PLPPR1: variants seen among roughly 807,000 people sequenced by gnomAD.
PLPPR1 encodes the protein phospholipid phosphatase-related protein type 1.
In PLPPR1, 10 loss-of-function variants were observed where a neutral mutation model predicts 33.1. That is an observed-to-expected ratio of 0.30 (90% CI 0.19 to 0.51). The LOEUF is 0.51. PLPPR1 is among the 20% of genes least tolerant of loss of function. The probability of loss-of-function intolerance (pLI) is 0.97; values close to 1 mark genes in which losing one functional copy is unlikely to be tolerated. For synonymous variants in PLPPR1, 151 were observed against 151.0 expected (o/e 1.00, Z 0.00); for missense variants, 304 against 408.1 (o/e 0.74, Z 2.20).
At chr9:101,169,280 A>T (rs1467601131) in intron 1 of PLPPR1, among the ~76,000 whole-genome samples, 1 of 152,188 alleles carries the variant, frequency 6.6e-6, no homozygotes. Context: ...CTTTGATTTT[A>T]TTGAAGGAAA....
chr9:101,133,359 C>G (rs993520819), intron 1 of PLPPR1, among the ~76,000 whole-genome samples: 9 of 152,264 alleles, frequency 5.9e-5, no homozygotes, highest in African/African-American at 2.2e-4. Flanking sequence ...ATCATTAAAG[C>G]ACTATAACTT....
intron 1 of PLPPR1, among the ~76,000 whole-genome samples, chr9:101,180,551 T>C (rs141045661): frequency 4.0e-4 from 61 of 151,834 alleles, no homozygotes; most frequent in Middle Eastern, 3.4e-3. Flanking sequence ...TTTTGACCAA[T>C]AGAACAGTAT....
chr9:101,235,084 G>A (rs578187690), intron 2 of PLPPR1, among the ~76,000 whole-genome samples: 2 of 151,914 alleles, frequency 1.3e-5, no homozygotes, highest in South Asian at 2.1e-4. Context: ...GGAAAGAATT[G>A]CATTTATTTT....
chr9:101,064,114 C>T (rs534472116), intron 1 of PLPPR1, among the ~76,000 whole-genome samples: 1 of 152,174 alleles, frequency 6.6e-6, no homozygotes, highest in South Asian at 2.1e-4. Context: ...TGACAAAACA[C>T]AGTCAGTGCA....
intron 2 of PLPPR1, among the ~76,000 whole-genome samples, chr9:101,246,105 T>TAG (rs1827605798): frequency 3.6e-5 from 4 of 109,844 alleles, no homozygotes; most frequent in Admixed American, 9.3e-5. Context: ...TATATATATA[T>TAG]ATATAGATAG....
At chr9:101,208,550 G>T (rs1826630156) in intron 2 of PLPPR1, among the ~76,000 whole-genome samples, 1 of 152,146 alleles carries the variant, frequency 6.6e-6, no homozygotes, top group South Asian at 2.1e-4. Context: ...TGGCTAAGTA[G>T]CTCTCTACTG....
At chr9:101,096,563 T>A (rs1418962411) in intron 1 of PLPPR1, among the ~76,000 whole-genome samples, 2 of 152,138 alleles carry the variant, frequency 1.3e-5, no homozygotes, top group Non-Finnish European at 2.9e-5. Context: ...CACATGAATA[T>A]CAAAGATCAA....
At chr9:101,070,519 A>G (rs921718954) in intron 1 of PLPPR1, among the ~76,000 whole-genome samples, 1 of 152,120 alleles carries the variant, frequency 6.6e-6, no homozygotes, top group African/African-American at 2.4e-5. Flanking sequence ...ACAGATTATT[A>G]GATCAACCTT....
At chr9:101,125,991 CT>C in intron 1 of PLPPR1, 1 of 246,296 alleles carries the variant, frequency 4.1e-6, no homozygotes. Context: ...TTCAAGATGG[CT>C]TTACTTGTCC....
intron 1 of PLPPR1, among the ~76,000 whole-genome samples, chr9:101,047,614 CTCTT>C (rs1830169323): frequency 6.6e-6 from 1 of 152,132 alleles, no homozygotes; most frequent in South Asian, 2.1e-4. Context: ...CAATTTCTCT[CTCTT>C]TTCATTTTTT....
chr9:101,306,489 A>T (rs1023885581), intron 4 of PLPPR1, among the ~76,000 whole-genome samples: 1 of 152,190 alleles, frequency 6.6e-6, no homozygotes, highest in African/African-American at 2.4e-5. Context: ...TGATCTTCCA[A>T]ACCAAGCATA....
intron 1 of PLPPR1, among the ~76,000 whole-genome samples, chr9:101,129,439 T>C (rs1831288998): frequency 6.6e-6 from 1 of 152,184 alleles, no homozygotes; most frequent in Non-Finnish European, 1.5e-5. Context: ...GTTGTATTTG[T>C]AACAGCCCAG....
At chr9:101,315,235 T>TC (rs1829030222) in intron 6 of PLPPR1, among the ~76,000 whole-genome samples, 2 of 152,218 alleles carry the variant, frequency 1.3e-5, no homozygotes, top group Non-Finnish European at 2.9e-5. Flanking sequence ...AACCAACTCC[T>TC]CTTCCCCCTA....
intron 2 of PLPPR1, among the ~76,000 whole-genome samples, chr9:101,256,955 T>G (rs952421335): frequency 1.3e-5 from 2 of 152,116 alleles, no homozygotes; most frequent in Non-Finnish European, 2.9e-5. Context: ...TCTCCCTCCC[T>G]TCTTCTTTCC....
intron 1 of PLPPR1, among the ~76,000 whole-genome samples, chr9:101,184,575 G>A (rs1250793572): frequency 2.0e-5 from 3 of 151,912 alleles, no homozygotes. Context: ...TCTGAAATGT[G>A]TAGTATTGCT....
intron 4 of PLPPR1, among the ~76,000 whole-genome samples, chr9:101,290,523 T>C (rs747506788): frequency 9.2e-5 from 14 of 152,236 alleles, no homozygotes; most frequent in African/African-American, 1.9e-4. Flanking sequence ...CCTTTCTGCA[T>C]TGCAATTTGA....
intron 1 of PLPPR1, among the ~76,000 whole-genome samples, chr9:101,034,831 G>A (rs1295796257): frequency 6.6e-6 from 1 of 151,958 alleles, no homozygotes; most frequent in Non-Finnish European, 1.5e-5. Context: ...GGGGGGGTTG[G>A]TTATAAATAG....
At chr9:101,194,094 G>A (rs1390565777) in intron 2 of PLPPR1, among the ~76,000 whole-genome samples, 1 of 152,142 alleles carries the variant, frequency 6.6e-6, no homozygotes, top group Non-Finnish European at 1.5e-5. Flanking sequence ...TTTGTTTGAT[G>A]GAGGTTTAGC....
chr9:101,228,666 G>A (rs1430563381), intron 2 of PLPPR1, among the ~76,000 whole-genome samples: 1 of 152,114 alleles, frequency 6.6e-6, no homozygotes, highest in Non-Finnish European at 1.5e-5. Context: ...AACTATTGGG[G>A]ATGTGACGTA....
Sources: gnomAD v4.1 joint callset for allele counts (sites outside exome capture counted in the v4.1 genomes callset) on GRCh38, gnomAD v4.1.1 for gene constraint, MANE v1.5 for transcripts, NCBI Gene and HGNC (gene_info 2026-07-23, HGNC 2026-07-21) for gene names.